CPVL: variants seen among roughly 807,000 people sequenced by gnomAD.
CPVL encodes carboxypeptidase vitellogenic like, also known as probable serine carboxypeptidase CPVL.
In CPVL, 51 loss-of-function variants were observed where a neutral mutation model predicts 63.7. The ratio of observed to expected loss-of-function variants is 0.80; its 90% CI spans 0.64 to 1.01. The LOEUF is 1.01. CPVL is among the 50% of genes least tolerant of loss of function. CPVL has a pLI of 0.00. For synonymous variants in CPVL, 195 were observed against 206.0 expected (o/e 0.95, Z 0.46); for missense variants, 530 against 573.1 (o/e 0.92, Z 0.77).
At chr7:29,103,474 C>T (rs1240154202) in intron 3 of CPVL, among the ~76,000 whole-genome samples, 6 of 146,546 alleles carry the variant, frequency 4.1e-5, no homozygotes, top group Admixed American at 7.0e-5. Context: ...AGGCTGGTCT[C>T]GAACTCTTAA....
upstream of CPVL, among the ~76,000 whole-genome samples, chr7:29,148,874 CAG>C (rs1793154983): frequency 6.6e-6 from 1 of 152,088 alleles, no homozygotes; most frequent in Non-Finnish European, 1.5e-5. Flanking sequence ...GAACAGAGGA[CAG>C]GGACCAAATG....
chr7:29,172,258 G>A (rs1796701628), intron 5 of CPVL, among the ~76,000 whole-genome samples: 1 of 152,182 alleles, frequency 6.6e-6, no homozygotes, highest in Non-Finnish European at 1.5e-5. Context: ...CTGAGTTCTT[G>A]AAAGCATGGT....
At chr7:29,146,892 T>C (rs1792781640), upstream of CPVL, 1 of 1,551,238 alleles carries the variant, frequency 6.4e-7, no homozygotes, top group Non-Finnish European at 8.7e-7. Context: ...AAGCGAGTGG[T>C]GTTTGATTCC....
At chr7:29,070,196 C>T (rs1421105689) in intron 9 of CPVL, among the ~76,000 whole-genome samples, 1 of 152,182 alleles carries the variant, frequency 6.6e-6, no homozygotes, top group Admixed American at 6.5e-5. Context: ...TCTGACGTAT[C>T]CGGTTTGGGA....
At chr7:29,141,469 T>C (rs1791872660) in intron 1 of CPVL, among the ~76,000 whole-genome samples, 1 of 151,730 alleles carries the variant, frequency 6.6e-6, no homozygotes, top group Admixed American at 6.6e-5. Context: ...AGAATCGCTT[T>C]TACCCAGGAG....
chr7:29,059,160 C>G (rs958882679), intron 11 of CPVL, among the ~76,000 whole-genome samples: 1 of 152,082 alleles, frequency 6.6e-6, no homozygotes, highest in Non-Finnish European at 1.5e-5. Flanking sequence ...TCATGCTACT[C>G]TTAGCTCAGC....
intron 3 of CPVL, 55 bp from the exon 4 acceptor site, chr7:29,096,272 A>T: frequency 7.1e-7 from 1 of 1,401,638 alleles, no homozygotes; most frequent in Non-Finnish European, 1.0e-6. Flanking sequence ...AAGGCTACAG[A>T]ACACACACAA....
At chr7:29,112,048 A>T (rs1489976831) in intron 3 of CPVL, among the ~76,000 whole-genome samples, 1 of 152,232 alleles carries the variant, frequency 6.6e-6, no homozygotes, top group African/African-American at 2.4e-5. Context: ...TGAACTACAT[A>T]GGATTGGTGA....
chr7:29,004,896 C>CTTT lies in CPVL; in HGVS notation c.1321-9017_1321-9015dup, dbSNP rs555443117. Among the ~76,000 whole-genome samples, 75 of 144,868 alleles carry CTTT rather than the reference C, an allele frequency of 5.2e-4. 2 individuals carry two copies. The highest frequency in any genetic ancestry group is 9.4e-4 in the African/African-American group (37 of 39,198). On this transcript the variant is annotated intron_variant, in intron 12 of 12. Transcript: ENST00000265394. ...TACAAATATGTCTTTTTTTTCTTTTCTTTTCTTTTTTTTTTTTTGAGACAG... is the reference window on the plus strand; with the variant it reads ...TACAAATATGTCTTTTTTTTCTTTTCTTTTTTTCTTTTTTTTTTTTTGAGACAG...
chr7:29,054,271 C>A (rs1015742565), intron 11 of CPVL, among the ~76,000 whole-genome samples: 1 of 152,108 alleles, frequency 6.6e-6, no homozygotes, highest in African/African-American at 2.4e-5. Context: ...TGGAATAATT[C>A]TGGAGTAATT....
intron 1 of CPVL, among the ~76,000 whole-genome samples, chr7:29,137,671 T>TG (rs1791390365): frequency 6.6e-6 from 1 of 152,198 alleles, no homozygotes; most frequent in Non-Finnish European, 1.5e-5. Flanking sequence ...GAAAATGATT[T>TG]GGGGTCTGCT....
intron 3 of CPVL, among the ~76,000 whole-genome samples, chr7:29,096,984 CAAAAAAAAAAA>C (rs1165892123): frequency 7.8e-5 from 4 of 51,192 alleles, no homozygotes; most frequent in Non-Finnish European, 3.8e-5. Flanking sequence ...GACTCTGTCT[CAAAAAAAAAAA>C]AAAAAAAAAA....
At chr7:29,094,299 C>T (rs1253582080) in intron 5 of CPVL, among the ~76,000 whole-genome samples, 1 of 151,310 alleles carries the variant, frequency 6.6e-6, no homozygotes, top group African/African-American at 2.4e-5. Flanking sequence ...TGAGATGGTG[C>T]AACTGCACTC....
rs1166422400 is a variant in CPVL, at chr7:29,037,568, AAAAAG to A, written c.1138-6814_1138-6810del. ...ACTCCATCTCAAAAAAAAAAAAAAA[AAAAAG>A]AAAAGAAAAGAAAAGCACATATGAA... is the stretch of plus-strand genomic sequence containing the variant. On this transcript the variant is annotated intron_variant, in intron 11 of 12. Transcript: ENST00000265394. Among the ~76,000 whole-genome samples, 632 of 141,182 alleles carry A rather than the reference AAAAAG, an allele frequency of 4.5e-3. 4 individuals are homozygous for A. Among genetic ancestry groups the A allele is most frequent in the Middle Eastern group, 7.9e-3 (2 of 252 alleles). 92.6% of individuals were successfully genotyped at this position (141,182 alleles called of 152,430 possible).
intron 5 of CPVL, among the ~76,000 whole-genome samples, chr7:29,176,285 G>A (rs1797331424): frequency 6.6e-6 from 1 of 152,004 alleles, no homozygotes; most frequent in Non-Finnish European, 1.5e-5. Flanking sequence ...AATAGGTCCT[G>A]AGCAGGATAA....
rs201351381 is a variant in CPVL at position 28,995,873 on chromosome 7, G to C, written c.1330C>G (p.Arg444Gly). 1.9e-6 allele frequency: 3 copies of C among 1,565,380 alleles called. No homozygotes were observed. Among genetic ancestry groups the C allele is most frequent in the Admixed American group, 2.0e-5 (1 of 50,674 alleles). Residue 444 changes from arginine to glycine, a missense_variant, in exon 13 of 13, where the codon CGA becomes GGA. Coordinates refer to ENST00000265394, the MANE Select transcript of CPVL (RefSeq NM_031311.5). ...TAGGGTAAAATATGTCCTCCACCTC[G>C]AATAATTACCTTAAAAAGAAAAAGT... ...QAGDFHQVII[R>G]GGGHILPYDQ...
At chr7:29,115,736 G>A (rs1174834302) in intron 2 of CPVL, among the ~76,000 whole-genome samples, 1 of 151,552 alleles carries the variant, frequency 6.6e-6, no homozygotes, top group Non-Finnish European at 1.5e-5. Flanking sequence ...GAGGATTTGA[G>A]AAAGACAACA....
chr7:29,168,807 T>A (rs752411171), intron 5 of CPVL, among the ~76,000 whole-genome samples: 2 of 152,254 alleles, frequency 1.3e-5, no homozygotes, highest in Non-Finnish European at 2.9e-5. Context: ...ATTCATGTTG[T>A]TTAGACATGT....
intron 1 of CPVL, chr7:29,194,836 T>C: frequency 9.3e-7 from 1 of 1,078,424 alleles, no homozygotes; most frequent in East Asian, 3.3e-5. Flanking sequence ...CCCCAGGACT[T>C]TGCCATGGGC....
Sources: gnomAD v4.1 joint callset for allele counts (sites outside exome capture counted in the v4.1 genomes callset) on GRCh38, gnomAD v4.1.1 for gene constraint, MANE v1.5 for transcripts, NCBI Gene and HGNC (gene_info 2026-07-23, HGNC 2026-07-21) for gene names.